Variants in PCNX2 observed in about 807,000 individuals in gnomAD.
The protein encoded by PCNX2 is pecanex 2.
Under a neutral mutation model 223.8 loss-of-function variants are expected in PCNX2, and 168 were observed. The observed-to-expected ratio is 0.75, with a 90% CI of 0.66 to 0.85. The LOEUF is 0.85. PCNX2 is among the 40% of genes least tolerant of loss of function. PCNX2 has a pLI of 0.00. For missense variants in PCNX2, 2,507 were observed against 2,675.5 expected (o/e 0.94, Z 1.39); for synonymous variants, 1,006 against 1,052.6 (o/e 0.96, Z 0.86).
intron 17 of PCNX2, chr1:233,172,434 A>C: frequency 1.0e-6 from 1 of 985,396 alleles, no homozygotes; most frequent in Non-Finnish European, 1.2e-6. Context: ...CAAACTTATG[A>C]CTTCTCAAGG....
At chr1:233,311,092 A>G in the PCNX2 span, among the ~76,000 whole-genome samples, 1 of 152,250 alleles carries the variant, frequency 6.6e-6, no homozygotes, top group Non-Finnish European at 1.5e-5. Flanking sequence ...GAACATCCAC[A>G]TGGCTGAACT....
Position 233,008,065 on chromosome 1 carries a change from C to T in PCNX2, c.4953-6384G>A, listed in dbSNP as rs117531915. Among the ~76,000 whole-genome samples the T allele has an allele frequency of 1.4e-3, 219 of 152,328 alleles. 3 individuals carry two copies. The East Asian group carries it at 0.016, about 11-fold the overall frequency. On this transcript the variant is annotated intron_variant, in intron 28 of 33. Coordinates refer to ENST00000258229, the MANE Select transcript of PCNX2 (RefSeq NM_014801.4). ...TTCAGTTGAGCCACAATACTGAAAG[C>T]ACTGTGAGTATAATTCTTGAACTCA...
intron 23 of PCNX2, among the ~76,000 whole-genome samples, chr1:233,066,577 C>T (rs2102894397): frequency 6.6e-6 from 1 of 152,336 alleles, no homozygotes; most frequent in East Asian, 1.9e-4. Flanking sequence ...CTGCAGCAGC[C>T]TGTGTGCCTG....
chr1:233,054,731 A>G (rs1248508113), intron 24 of PCNX2: 1 of 318,736 alleles, frequency 3.1e-6, no homozygotes, highest in African/African-American at 2.1e-5. Flanking sequence ...GCTATAATAT[A>G]TAATACAAAC....
At chr1:233,090,910 G>A (rs1673840274) in intron 22 of PCNX2, among the ~76,000 whole-genome samples, 1 of 152,206 alleles carries the variant, frequency 6.6e-6, no homozygotes, top group Admixed American at 6.5e-5. Context: ...CATGTCTGTT[G>A]CTTTTGGCTT....
chr1:233,047,723 T>A (rs375923724), intron 25 of PCNX2, among the ~76,000 whole-genome samples: 1 of 152,156 alleles, frequency 6.6e-6, no homozygotes, highest in African/African-American at 2.4e-5. Flanking sequence ...TATAGAGCTA[T>A]GAAAAGACTA....
At chr1:233,065,206 G>A (rs1672550814) in intron 23 of PCNX2, among the ~76,000 whole-genome samples, 2 of 152,246 alleles carry the variant, frequency 1.3e-5, no homozygotes, top group African/African-American at 4.8e-5. Flanking sequence ...ACCTCAAGGT[G>A]AAGTTTCTAA....
intron 13 of PCNX2, 117 bp from the exon 14 acceptor site, chr1:233,200,381 ATC>A: frequency 4.2e-5 from 18 of 429,162 alleles, no homozygotes; most frequent in Admixed American, 1.4e-4. Flanking sequence ...ACTGGAGGCA[ATC>A]TTTTTTTTTT....
intron 23 of PCNX2, among the ~76,000 whole-genome samples, chr1:233,076,655 T>A (rs1344650079): frequency 6.6e-6 from 1 of 152,244 alleles, no homozygotes; most frequent in Non-Finnish European, 1.5e-5. Context: ...ACTTTAAATC[T>A]TAAAATCTAT....
chr1:233,093,031 C>T (rs560287854), intron 22 of PCNX2, among the ~76,000 whole-genome samples: 6 of 152,262 alleles, frequency 3.9e-5, no homozygotes, highest in East Asian at 1.9e-4. Context: ...AATCTCCTGA[C>T]CTCATGATCT....
intron 17 of PCNX2, among the ~76,000 whole-genome samples, chr1:233,167,277 G>A (rs1678855530): frequency 6.6e-6 from 1 of 152,200 alleles, no homozygotes; most frequent in African/African-American, 2.4e-5. Context: ...TTTGCTAAGC[G>A]AAATAACCCA....
chr1:232,998,031 C>T (rs923328048), intron 32 of PCNX2, among the ~76,000 whole-genome samples: 1 of 152,114 alleles, frequency 6.6e-6, no homozygotes, highest in Admixed American at 6.5e-5. Flanking sequence ...GAATGGCTGG[C>T]CAAGGTCATG....
At chr1:233,132,224 A>G (rs1481877608) in intron 21 of PCNX2, among the ~76,000 whole-genome samples, 1 of 152,042 alleles carries the variant, frequency 6.6e-6, no homozygotes, top group African/African-American at 2.4e-5. Context: ...CGGCATCCCA[A>G]AGTACTGGGA....
intron 20 of PCNX2, among the ~76,000 whole-genome samples, chr1:233,137,270 G>A (rs1676864462): frequency 6.6e-6 from 1 of 152,180 alleles, no homozygotes; most frequent in Non-Finnish European, 1.5e-5. Context: ...GTGCACTGAT[G>A]TGCTGACATG....
Position 233,208,517 on chromosome 1 carries a change from C to A in PCNX2, c.2863+1G>T. On this transcript the variant is annotated splice_donor_variant, in intron 13 of 33. Coordinates refer to ENST00000258229, the MANE Select transcript of PCNX2 (RefSeq NM_014801.4). LOFTEE classifies it high-confidence loss of function. ...TCCCCACAACCCCATAATTAACTCA[C>A]CTATTAAGTAGTCCCTAGCTGATTG... 1.2e-6 allele frequency: 2 copies of A among 1,611,482 alleles called. No individual in the cohort carries two copies. The highest frequency in any genetic ancestry group is 1.7e-6 in the Non-Finnish European group (2 of 1,178,186).
intron 21 of PCNX2, among the ~76,000 whole-genome samples, chr1:233,109,069 T>C (rs1674969436): frequency 6.6e-6 from 1 of 152,058 alleles, no homozygotes; most frequent in Non-Finnish European, 1.5e-5. Context: ...AAGTTATCCC[T>C]CCAGGAATTC....
At chr1:233,194,075 A>G (rs1470469180) in intron 15 of PCNX2, among the ~76,000 whole-genome samples, 1 of 152,122 alleles carries the variant, frequency 6.6e-6, no homozygotes. Context: ...AAATAAAAAA[A>G]AAAAACGCCA....
intron 23 of PCNX2, among the ~76,000 whole-genome samples, chr1:233,076,063 AATGAAGAGGCAGACAGTTTTAAGTG>A (rs1308729156): frequency 6.6e-6 from 1 of 152,226 alleles, no homozygotes; most frequent in African/African-American, 2.4e-5. Flanking sequence ...AAATTGAATA[AATGAAGAGGCAGACAGTTTTAAGTG>A]ATTCATAAAG....
chr1:232,998,486 AT>A, intron 31 of PCNX2, 48 bp from the exon 32 acceptor site: 1 of 1,587,068 alleles, frequency 6.3e-7, no homozygotes, highest in Non-Finnish European at 8.6e-7. Context: ...CACACTTCCA[AT>A]CCCCCTAAAT....
Sources: gnomAD v4.1 joint callset for allele counts (sites outside exome capture counted in the v4.1 genomes callset) on GRCh38, gnomAD v4.1.1 for gene constraint, MANE v1.5 for transcripts, NCBI Gene and HGNC (gene_info 2026-07-23, HGNC 2026-07-21) for gene names.